The following GPC1 variants were observed in gnomAD, a reference collection of about 807,000 sequenced individuals.
The protein encoded by GPC1 is glypican-1.
In GPC1, 26 loss-of-function variants were observed where a neutral mutation model predicts 51.5. That is an observed-to-expected ratio of 0.50 (90% CI 0.37 to 0.70). The LOEUF is 0.70. Among genes scored for constraint, GPC1 ranks in the 30% least tolerant of loss-of-function variants. The pLI is 0.00. For synonymous variants in GPC1, 380 were observed against 348.3 expected (o/e 1.09, Z -1.01); for missense variants, 775 against 800.5 (o/e 0.97, Z 0.38).
chr2:240,461,120 G>A (rs552244437), intron 2 of GPC1, among the ~76,000 whole-genome samples: 1 of 152,210 alleles, frequency 6.6e-6, no homozygotes, highest in Non-Finnish European at 1.5e-5. Context: ...GCCCCTTTCC[G>A]GGACAGGCCA....
chr2:240,447,003 G>A (rs1255361077), intron 1 of GPC1, among the ~76,000 whole-genome samples: 5 of 152,166 alleles, frequency 3.3e-5, no homozygotes, highest in African/African-American at 1.2e-4. Flanking sequence ...ATCCACAGCC[G>A]TGTTGGGAGC....
intron 1 of GPC1, chr2:240,451,219 T>G (rs1172588426): frequency 6.4e-6 from 3 of 470,946 alleles, no homozygotes; most frequent in Non-Finnish European, 1.3e-5. Context: ...GCCTCAGCTG[T>G]ATGTGTGTCT....
chr2:240,457,030 G>A (rs866647583), intron 1 of GPC1, among the ~76,000 whole-genome samples: 18 of 152,256 alleles, frequency 1.2e-4, no homozygotes, highest in Non-Finnish European at 8.8e-5. Context: ...GCAGGCATCT[G>A]GAGGTAAGGA....
intron 1 of GPC1, among the ~76,000 whole-genome samples, chr2:240,455,552 A>AGGAGAG (rs1177098716): frequency 6.6e-6 from 1 of 152,156 alleles, no homozygotes; most frequent in Non-Finnish European, 1.5e-5. Flanking sequence ...AAGGCCAGGA[A>AGGAGAG]GGAGAGGGAG....
intron 2 of GPC1, 97 bp downstream of exon 2, chr2:240,459,285 G>C: frequency 8.4e-7 from 1 of 1,186,764 alleles, no homozygotes; most frequent in East Asian, 2.5e-5. Context: ...GCCAAGGGTG[G>C]GGGATTGGCA....
chr2:240,466,403 CGGCGGCTCTGAGCAGGGGCA>C lies in GPC1; in HGVS notation c.*118_*137del. ...AGGCCTGGGGTGGGACAGGGAGGGC[CGGCGGCTCTGAGCAGGGGCA>C]GGCGCAGAGGTCCCAGCCCCAGGCC... On this transcript the variant is annotated 3_prime_UTR_variant, in exon 9 of 9. Coordinates refer to ENST00000264039, the MANE Select transcript of GPC1 (RefSeq NM_002081.3). 1.5e-6 allele frequency: 1 copy of C among 659,794 alleles called. No homozygotes were observed. Among genetic ancestry groups the C allele is most frequent in the Non-Finnish European group, 2.7e-6 (1 of 376,872 alleles). 40.9% of individuals were successfully genotyped at this position (659,794 alleles called of 1,614,324 possible).
intron 4 of GPC1, chr2:240,463,794 A>G (rs950534154): frequency 2.0e-6 from 1 of 498,972 alleles, no homozygotes; most frequent in African/African-American, 1.9e-5. Flanking sequence ...GTGTGCATAC[A>G]TGCCAACACG....
At position 240,444,399 on chromosome 2, in the gene GPC1, C is replaced by T. The variant is rs79093952; in HGVS notation, c.166+8315C>T. ...CTCCCAAATCCAGCCGCCCAGGACC[C>T]TGCGGCACTGTCCATCCTGAGCCCC... On this transcript the variant is annotated intron_variant, in intron 1 of 8. Coordinates refer to ENST00000264039, the MANE Select transcript of GPC1 (RefSeq NM_002081.3). Among the ~76,000 whole-genome samples the T allele has an allele frequency of 8.4e-3, 1,279 of 152,324 alleles. 23 individuals are homozygous for T. The highest frequency in any genetic ancestry group is 0.028 in the African/African-American group (1,145 of 41,570).
chr2:240,462,683 C>T lies in GPC1; in HGVS notation c.717+101C>T, dbSNP rs2074227266. ...CTACTTTAACCCTGTGCCCCTGGGC[C>T]TCTGGGCCAGCCTCTGACCTCAGCC... On this transcript the variant is annotated intron_variant, in intron 3 of 8. Coordinates refer to ENST00000264039, the MANE Select transcript of GPC1 (RefSeq NM_002081.3). 3 of 1,135,706 alleles carry T rather than the reference C, an allele frequency of 2.6e-6. No homozygotes were observed. The Admixed American group carries it at 7.3e-5, about 28-fold the overall frequency. 70.4% of individuals were successfully genotyped at this position (1,135,706 alleles called of 1,614,324 possible). A position where few individuals can be genotyped will look rare whatever the true frequency, so the allele number is the denominator to read the frequency against.
At chr2:240,456,737 G>A (rs1034388393) in intron 1 of GPC1, 1 of 419,874 alleles carries the variant, frequency 2.4e-6, no homozygotes, top group Non-Finnish European at 5.1e-6. Flanking sequence ...AGGACCCGGA[G>A]GGGCGGTTCC....
intron 1 of GPC1, among the ~76,000 whole-genome samples, chr2:240,444,187 G>A (rs566503210): frequency 4.6e-5 from 7 of 152,280 alleles, no homozygotes; most frequent in South Asian, 2.1e-4. Context: ...CAGCCGCCAC[G>A]CCCGGTGGGT....
intron 2 of GPC1, among the ~76,000 whole-genome samples, chr2:240,461,168 A>T (rs2074211878): frequency 6.6e-6 from 1 of 152,182 alleles, no homozygotes; most frequent in African/African-American, 2.4e-5. Flanking sequence ...TGGACACTGG[A>T]CAGCTGTGTG....
chr2:240,441,997 G>C (rs925144806), intron 1 of GPC1, among the ~76,000 whole-genome samples: 3 of 152,162 alleles, frequency 2.0e-5, no homozygotes, highest in African/African-American at 4.8e-5. Context: ...TCTGGAATCC[G>C]GGTGGGTTTA....
intron 1 of GPC1, 150 bp from the exon 2 acceptor site, chr2:240,458,880 T>A: frequency 1.6e-6 from 1 of 640,770 alleles, no homozygotes; most frequent in East Asian, 2.8e-5. Flanking sequence ...CGACCACTTC[T>A]GCCTTCACCC....
intron 3 of GPC1, among the ~76,000 whole-genome samples, chr2:240,463,138 C>T (rs1274699064): frequency 6.6e-6 from 1 of 152,108 alleles, no homozygotes; most frequent in Non-Finnish European, 1.5e-5. Context: ...ATATTCTTGC[C>T]TCCCTGTGAC....
chr2:240,465,330 C>T (rs991583725), intron 7 of GPC1, 120 bp downstream of exon 7: 20 of 1,351,006 alleles, frequency 1.5e-5, no homozygotes, highest in Admixed American at 2.3e-5. Context: ...AGCCCCACTT[C>T]TCTGCGGCCT....
intron 1 of GPC1, among the ~76,000 whole-genome samples, chr2:240,445,688 C>T (rs917134816): frequency 6.6e-6 from 1 of 152,174 alleles, no homozygotes; most frequent in Non-Finnish European, 1.5e-5. Flanking sequence ...AAAGAGATTA[C>T]ATCTCCATCG....
chr2:240,446,924 C>T (rs2074054194), intron 1 of GPC1, among the ~76,000 whole-genome samples: 1 of 152,288 alleles, frequency 6.6e-6, no homozygotes, highest in East Asian at 1.9e-4. Flanking sequence ...GCACGGCTGG[C>T]ATCAGAATCC....
At position 240,459,151 on chromosome 2, in the gene GPC1, G is replaced by A. The variant is rs2074195804; in HGVS notation, c.288G>A (p.Leu96=). 1 of 1,612,548 alleles carries A rather than the reference G, an allele frequency of 6.2e-7. No individual in the cohort carries two copies. Residue 96 remains leucine, a synonymous_variant, in exon 2 of 9, where the codon CTG becomes CTA. Coordinates refer to ENST00000264039, the MANE Select transcript of GPC1 (RefSeq NM_002081.3). The part of the protein sequence containing the change: ...ETALRDSSRV[L]QAMLATQLRS... ...CGCTCCGGGACAGCAGCCGCGTCCT[G>A]CAGGCCATGCTTGCCACCCAGCTGC...
Sources: allele counts gnomAD v4.1 joint callset (sites outside exome capture counted in the v4.1 genomes callset), GRCh38; gene constraint gnomAD v4.1.1; transcripts MANE v1.5; gene names NCBI Gene and HGNC (gene_info 2026-07-23, HGNC 2026-07-21).